The following RAPGEF2 variants were observed in gnomAD, a reference collection of about 807,000 sequenced individuals.
RAPGEF2 encodes Rap guanine nucleotide exchange factor 2.
In RAPGEF2, 54 loss-of-function variants were observed where a neutral mutation model predicts 186.7. The observed-to-expected ratio is 0.29, with a 90% CI of 0.23 to 0.36. The LOEUF (loss-of-function observed/expected upper bound fraction) is 0.36. RAPGEF2 is among the 10% of genes least tolerant of loss of function. The probability of loss-of-function intolerance (pLI) is 1.00; values close to 1 mark genes in which losing one functional copy is unlikely to be tolerated. For synonymous variants in RAPGEF2, 712 were observed against 705.9 expected (o/e 1.01, Z -0.14); for missense variants, 1,532 against 2,045.0 (o/e 0.75, Z 4.84).
intron 4 of RAPGEF2, among the ~76,000 whole-genome samples, chr4:159,235,713 A>G (rs1753177926): frequency 6.6e-6 from 1 of 152,160 alleles, no homozygotes; most frequent in Non-Finnish European, 1.5e-5. Flanking sequence ...TTTTCAGTTT[A>G]TTTGTGTAGA....
Position 159,281,688 on chromosome 4 carries a change from AAAG to A in RAPGEF2, c.544-22651_544-22649del, listed in dbSNP as rs1759742455. Among the ~76,000 whole-genome samples, 3 of 81,432 alleles carry A rather than the reference AAAG, an allele frequency of 3.7e-5. No homozygotes were observed. The South Asian group carries it at 7.9e-4, about 22-fold the overall frequency. The allele number at this position is 81,432 out of a possible 152,430, so 53.4% of individuals were successfully genotyped here. A position where few individuals can be genotyped will look rare whatever the true frequency, so the allele number is the denominator to read the frequency against. ...CTTGATTTCAAAAAAAAAAAAAAAA[AAAG>A]AAAAGGAAAAGGAAAATTGTTAATA... is the stretch of plus-strand genomic sequence containing the variant. On this transcript the variant is annotated intron_variant, in intron 7 of 29. Transcript: ENST00000691494.
chr4:159,299,099 A>C (rs1341582419), intron 7 of RAPGEF2, among the ~76,000 whole-genome samples: 1 of 152,192 alleles, frequency 6.6e-6, no homozygotes, highest in Non-Finnish European at 1.5e-5. Flanking sequence ...TGATATGGGG[A>C]AAGCAGTGTT....
At chr4:159,236,621 C>T (rs1753293580) in intron 4 of RAPGEF2, among the ~76,000 whole-genome samples, 1 of 143,006 alleles carries the variant, frequency 7.0e-6, no homozygotes, top group East Asian at 1.9e-4. Flanking sequence ...AACATTAGAC[C>T]ACTATATTTA....
chr4:159,221,875 A>G (rs1047485521), intron 4 of RAPGEF2, among the ~76,000 whole-genome samples: 32 of 152,352 alleles, frequency 2.1e-4, no homozygotes, highest in Non-Finnish European at 8.8e-5. Context: ...ACAAATATCA[A>G]CTTGGTTCAA....
intron 1 of RAPGEF2, among the ~76,000 whole-genome samples, chr4:159,165,453 ATCTC>A: frequency 6.6e-6 from 1 of 152,290 alleles, no homozygotes; most frequent in South Asian, 2.1e-4. Context: ...ATATCTATAT[ATCTC>A]TATCTGTATA....
chr4:159,246,857 C>T (rs1754689482), intron 7 of RAPGEF2, among the ~76,000 whole-genome samples: 1 of 152,074 alleles, frequency 6.6e-6, no homozygotes, highest in East Asian at 1.9e-4. Context: ...ACATCAATAA[C>T]TTGTATAGCT....
chr4:159,171,748 A>C (rs1039023075), intron 1 of RAPGEF2, among the ~76,000 whole-genome samples: 1 of 152,098 alleles, frequency 6.6e-6, no homozygotes, highest in African/African-American at 2.4e-5. Flanking sequence ...TTTTCTGGAA[A>C]GTTTTCATAG....
intron 9 of RAPGEF2, among the ~76,000 whole-genome samples, chr4:159,321,160 G>A (rs1765186495): frequency 6.6e-6 from 1 of 150,560 alleles, no homozygotes; most frequent in African/African-American, 2.4e-5. Context: ...TTAAAGTCCA[G>A]CATGATCTTT....
At chr4:159,344,176 C>A in intron 23 of RAPGEF2, 117 bp downstream of exon 23, 1 of 1,064,264 alleles carries the variant, frequency 9.4e-7, no homozygotes, top group South Asian at 1.4e-5. Flanking sequence ...CCTTAACCCT[C>A]GTGCTGTAGC....
intron 10 of RAPGEF2, among the ~76,000 whole-genome samples, chr4:159,323,254 A>G (rs1474337313): frequency 6.6e-6 from 1 of 152,166 alleles, no homozygotes; most frequent in Non-Finnish European, 1.5e-5. Context: ...TATGATATAC[A>G]TTCTGTGCTA....
At position 159,332,471 on chromosome 4, in the gene RAPGEF2, A is replaced by G; in HGVS notation, c.1909A>G (p.Arg637Gly). The G allele has an allele frequency of 6.2e-7, 1 of 1,612,830 alleles. No homozygotes were observed. Among genetic ancestry groups the G allele is most frequent in the African/African-American group, 1.3e-5 (1 of 74,928 alleles). Residue 637 changes from arginine to glycine, a missense_variant, in exon 17 of 30, where the codon AGA becomes GGA. Around this residue, in one of 4 missense-constraint regions of RAPGEF2, gnomAD observed 810 missense variants for 1,210.5 expected, o/e 0.67. Coordinates refer to ENST00000691494, the MANE Select transcript of RAPGEF2 (RefSeq NM_001394067.2). ...TTTAGTATTTAAAGAACTTCTAACA[A>G]GATTGTCAGAAGAGAAAAGAAATGG... ...NLFVFKELLT[R>G]LSEEKRNGAP... is the part of the protein sequence containing the mutation.
At chr4:159,137,738 T>G (rs1443037794) in intron 1 of RAPGEF2, among the ~76,000 whole-genome samples, 1 of 143,858 alleles carries the variant, frequency 7.0e-6, no homozygotes, top group Non-Finnish European at 1.5e-5. Context: ...CTGCAAAGAT[T>G]TAAACTTACT....
chr4:159,293,032 A>G (rs1761440098), intron 7 of RAPGEF2, among the ~76,000 whole-genome samples: 1 of 152,174 alleles, frequency 6.6e-6, no homozygotes, highest in African/African-American at 2.4e-5. Flanking sequence ...TCAACTTTAC[A>G]CAAAGACAAA....
intron 5 of RAPGEF2, among the ~76,000 whole-genome samples, chr4:159,240,350 TG>T (rs1399426494): frequency 6.8e-6 from 1 of 146,650 alleles, no homozygotes; most frequent in Non-Finnish European, 1.5e-5. Flanking sequence ...TTTTTTTTTT[TG>T]GAGACGGAGT....
chr4:159,194,784 G>A (rs1748461483), intron 3 of RAPGEF2, among the ~76,000 whole-genome samples: 1 of 152,196 alleles, frequency 6.6e-6, no homozygotes, highest in South Asian at 2.1e-4. Flanking sequence ...TTGGAGGCTG[G>A]TTTTCATGCA....
chr4:159,300,676 T>G (rs758135328), intron 7 of RAPGEF2, among the ~76,000 whole-genome samples: 21 of 152,200 alleles, frequency 1.4e-4, no homozygotes, highest in Non-Finnish European at 2.4e-4. Context: ...GTGGCTACAG[T>G]CGCAAGATAA....
intron 1 of RAPGEF2, among the ~76,000 whole-genome samples, chr4:159,115,689 A>G (rs1738970586): frequency 6.6e-6 from 1 of 152,204 alleles, no homozygotes; most frequent in Non-Finnish European, 1.5e-5. Context: ...AAACTATACT[A>G]CAAGGCTACA....
intron 8 of RAPGEF2, among the ~76,000 whole-genome samples, chr4:159,309,064 T>C (rs1362893636): frequency 6.6e-6 from 1 of 152,196 alleles, no homozygotes; most frequent in African/African-American, 2.4e-5. Context: ...AGGATTTGAC[T>C]TCACCCAGGA....
At chr4:159,348,242 A>ATGGATG (rs1730647108) in intron 25 of RAPGEF2, among the ~76,000 whole-genome samples, 80 of 145,068 alleles carry the variant, frequency 5.5e-4, no homozygotes, top group Non-Finnish European at 7.1e-4. Context: ...ATAGATAGAT[A>ATGGATG]GATGGATGGA....
Sources: gnomAD v4.1 joint callset for allele counts (sites outside exome capture counted in the v4.1 genomes callset) on GRCh38, gnomAD v4.1.1 for gene constraint, gnomAD v4.1.1 regional missense constraint, MANE v1.5 for transcripts, NCBI Gene and HGNC (gene_info 2026-07-23, HGNC 2026-07-21) for gene names.